The following PLXNA2 variants were observed in gnomAD, a reference collection of about 807,000 sequenced individuals.
PLXNA2 encodes plexin-A2.
Under a neutral mutation model 193.5 loss-of-function variants are expected in PLXNA2, and 91 were observed. That is an observed-to-expected ratio of 0.47 (90% CI 0.40 to 0.56). The LOEUF is 0.56. Among genes scored for constraint, PLXNA2 ranks in the 20% least tolerant of loss-of-function variants. The pLI is 0.00. For synonymous variants in PLXNA2, 997 were observed against 1,027.3 expected, an observed-to-expected ratio of 0.97 and a Z score of 0.56; for missense variants, 1,995 against 2,503.2, an observed-to-expected ratio of 0.80 and a Z score of 4.33.
chr1:208,032,108 CAG>C, intron 28 of PLXNA2: 1 of 985,426 alleles, frequency 1.0e-6, no homozygotes, highest in Non-Finnish European at 1.2e-6. Flanking sequence ...AGTCCGGAAA[CAG>C]TGTCCGAGGA....
chr1:208,113,757 T>C (rs1020334862), intron 4 of PLXNA2, among the ~76,000 whole-genome samples: 1 of 152,102 alleles, frequency 6.6e-6, no homozygotes, highest in Non-Finnish European at 1.5e-5. Flanking sequence ...GGTCTTGCCA[T>C]GTGGCTCAGG....
In PLXNA2 at chr1:208,217,744, C is replaced by G; in HGVS notation, c.179G>C (p.Gly60Ala). The part of the protein sequence containing the change: ...FNHLTVHQGT[G>A]AVYVGAINRV... ...GTTGATGGCCCCCACATAGACGGCCCCCGTCCCTTGGTGGACGGTCAAGTG... is the reference window on the plus strand; with the variant it reads ...GTTGATGGCCCCCACATAGACGGCCGCCGTCCCTTGGTGGACGGTCAAGTG... The change falls in exon 2 of 32, where the codon GGG becomes GCG. Residue 60 changes from glycine (G) to alanine (A), a missense_variant. This residue lies in a region of PLXNA2 where 702 missense variants were observed against 812.9 expected (regional missense o/e 0.86). Coordinates refer to ENST00000367033, the MANE Select transcript of PLXNA2 (RefSeq NM_025179.4). This position sits in a 1 kb window ranked among gnomAD's most constrained non-coding sequence, Gnocchi z 4.7. 1 of 1,614,192 alleles carries G rather than the reference C, an allele frequency of 6.2e-7. No homozygotes were observed. The highest frequency in any genetic ancestry group is 8.5e-7 in the Non-Finnish European group (1 of 1,180,022).
At chr1:208,075,534 T>G (rs1423514519) in intron 12 of PLXNA2, among the ~76,000 whole-genome samples, 1 of 152,204 alleles carries the variant, frequency 6.6e-6, no homozygotes, top group East Asian at 1.9e-4. Context: ...CTATTGTTCT[T>G]GTCATAATTA....
chr1:208,092,370 G>A (rs1666744791), intron 9 of PLXNA2, among the ~76,000 whole-genome samples: 1 of 152,146 alleles, frequency 6.6e-6, no homozygotes, highest in African/African-American at 2.4e-5. Flanking sequence ...AAGAGAAGTT[G>A]GCATGAAAGA....
At chr1:208,213,576 G>C (rs993695937) in intron 2 of PLXNA2, among the ~76,000 whole-genome samples, 1 of 152,160 alleles carries the variant, frequency 6.6e-6, no homozygotes, top group Non-Finnish European at 1.5e-5. Context: ...ATGAGTGATA[G>C]CCCCCTTCTT....
intron 3 of PLXNA2, among the ~76,000 whole-genome samples, chr1:208,195,167 T>C (rs969568418): frequency 2.6e-5 from 4 of 152,162 alleles, no homozygotes; most frequent in African/African-American, 4.8e-5. Context: ...CCGTGGGAGA[T>C]GAGTGGCATG....
rs962268534 is a variant in PLXNA2 at position 208,028,714 on chromosome 1, G to A, written c.5438+116C>T. 1.1e-6 allele frequency: 1 copy of A among 900,480 alleles called. No homozygotes were observed. Among genetic ancestry groups the A allele is most frequent in the Non-Finnish European group, 1.7e-6 (1 of 592,972 alleles). 55.8% of individuals were successfully genotyped at this position (900,480 alleles called of 1,614,324 possible). A position where few individuals can be genotyped will look rare whatever the true frequency, so the allele number is the denominator to read the frequency against. On this transcript the variant is annotated intron_variant, in intron 30 of 31. Coordinates refer to ENST00000367033, the MANE Select transcript of PLXNA2 (RefSeq NM_025179.4). This position sits in a 1 kb window ranked among gnomAD's most constrained non-coding sequence, Gnocchi z 4.2. ...AGGGGGTGTGGCAGGGAGGGGAGTG[G>A]GAGGTCCTGAAGAGATGACAGACAC...
chr1:208,065,061 C>A (rs985172979), intron 12 of PLXNA2, among the ~76,000 whole-genome samples: 5 of 152,118 alleles, frequency 3.3e-5, no homozygotes, highest in Non-Finnish European at 5.9e-5. Flanking sequence ...GCTTGCAGGA[C>A]TTTAAGCAAG....
chr1:208,042,607 C>T (rs1342651889), intron 21 of PLXNA2, among the ~76,000 whole-genome samples: 1 of 152,198 alleles, frequency 6.6e-6, no homozygotes, highest in African/African-American at 2.4e-5. Flanking sequence ...GCGGAGCTCT[C>T]AGAGGGGAGG....
At chr1:208,060,501 G>A (rs1267155262) in intron 13 of PLXNA2, among the ~76,000 whole-genome samples, 185 bp downstream of exon 13, 1 of 152,146 alleles carries the variant, frequency 6.6e-6, no homozygotes, top group South Asian at 2.1e-4. Flanking sequence ...AATCAAACAG[G>A]ATGAGACCCC....
intron 2 of PLXNA2, among the ~76,000 whole-genome samples, chr1:208,212,156 C>G (rs1325441935): frequency 6.6e-6 from 1 of 152,214 alleles, no homozygotes; most frequent in African/African-American, 2.4e-5. Flanking sequence ...CAGCCTGCCC[C>G]CATGCTCCCT....
intron 3 of PLXNA2, among the ~76,000 whole-genome samples, chr1:208,192,155 C>T (rs1277693345): frequency 6.6e-6 from 1 of 152,200 alleles, no homozygotes; most frequent in Non-Finnish European, 1.5e-5. Flanking sequence ...GACTTTGTCT[C>T]CCAGGTGTAA....
chr1:208,205,012 C>T (rs1233851141), intron 3 of PLXNA2, among the ~76,000 whole-genome samples: 1 of 152,182 alleles, frequency 6.6e-6, no homozygotes, highest in Admixed American at 6.5e-5. Flanking sequence ...AGGAGCCCTG[C>T]AGGGATGTGA....
At chr1:208,054,640 A>G (rs2102339999) in intron 13 of PLXNA2, 102 bp from the exon 14 acceptor site, 1 of 797,800 alleles carries the variant, frequency 1.3e-6, no homozygotes, top group Non-Finnish European at 2.2e-6. Context: ...CAGTCTTGCA[A>G]TAATGCCAGA....
intron 9 of PLXNA2, among the ~76,000 whole-genome samples, chr1:208,085,090 T>G (rs1249244387): frequency 6.6e-6 from 1 of 151,870 alleles, no homozygotes; most frequent in Admixed American, 6.6e-5. Context: ...CTCTGTTTTT[T>G]TTTTTTTTTA....
Position 208,060,670 on chromosome 1 carries a change from G to T in PLXNA2, c.2738+16C>A. ...TGAAGCTCCCATGGGAAAAGGGCTGGCCAGGGCGGACTCACTGCTCAGCGA... is the reference window on the plus strand; with the variant it reads ...TGAAGCTCCCATGGGAAAAGGGCTGTCCAGGGCGGACTCACTGCTCAGCGA... On this transcript the variant is annotated intron_variant, in intron 13 of 31. Transcript: ENST00000367033. The T allele has an allele frequency of 6.2e-7, 1 of 1,604,580 alleles. No homozygotes were observed. The highest frequency in any genetic ancestry group is 8.5e-7 in the Non-Finnish European group (1 of 1,174,086).
intron 3 of PLXNA2, among the ~76,000 whole-genome samples, chr1:208,179,210 G>A (rs1013239870): frequency 1.3e-5 from 2 of 152,132 alleles, no homozygotes; most frequent in African/African-American, 2.4e-5. Flanking sequence ...AAGCATCCTC[G>A]CCATTGAAGC....
chr1:208,165,556 ACCCT>A (rs904545491), intron 3 of PLXNA2, among the ~76,000 whole-genome samples: 4 of 151,972 alleles, frequency 2.6e-5, no homozygotes, highest in Non-Finnish European at 5.9e-5. Flanking sequence ...GTTCGCCTTA[ACCCT>A]CCCATTAGGA....
Position 208,038,322 on chromosome 1 carries a change from A to C in PLXNA2, c.4764+49T>G, listed in dbSNP as rs1558158143. 7.7e-7 allele frequency: 1 copy of C among 1,293,844 alleles called. No individual in the cohort carries two copies. The highest frequency in any genetic ancestry group is 1.2e-5 in the South Asian group (1 of 84,774). 80.1% of individuals were successfully genotyped at this position (1,293,844 alleles called of 1,614,324 possible). Reference sequence around the variant, plus strand: ...AGGCCTTAGAGCAAGGCTTAGCGGGAAGGGAACATTCTGGGAAGCTGAAGA... The same window carrying C: ...AGGCCTTAGAGCAAGGCTTAGCGGGCAGGGAACATTCTGGGAAGCTGAAGA... On this transcript the variant is annotated intron_variant, in intron 26 of 31. Transcript: ENST00000367033. The surrounding 1 kb of genome is among the most constrained non-coding windows in gnomAD (Gnocchi z 4.1).
Sources: allele counts gnomAD v4.1 joint callset (sites outside exome capture counted in the v4.1 genomes callset), GRCh38; gene constraint gnomAD v4.1.1; regional missense constraint gnomAD v4.1.1; non-coding constraint Gnocchi (gnomAD v3.1); transcripts MANE v1.5; gene names NCBI Gene and HGNC (gene_info 2026-07-23, HGNC 2026-07-21).